Variants in NSFL1C observed in about 807,000 individuals in gnomAD.
The protein encoded by NSFL1C is NSFL1 cofactor.
A neutral mutation model predicts 43.1 loss-of-function variants in NSFL1C; 14 were observed. The observed-to-expected ratio is 0.32, with a 90% confidence interval of 0.21 to 0.51. The LOEUF is 0.51. NSFL1C is among the 20% of genes least tolerant of loss of function. NSFL1C has a pLI of 0.98. For synonymous variants in NSFL1C, 171 were observed against 183.5 expected (o/e 0.93, Z 0.55); for missense variants, 406 against 472.5 (o/e 0.86, Z 1.30).
intron 7 of NSFL1C, among the ~76,000 whole-genome samples, chr20:1,447,141 G>T (rs1158464568): frequency 3.3e-5 from 5 of 152,196 alleles, no homozygotes; most frequent in Non-Finnish European, 7.4e-5. Flanking sequence ...GCTCAGAGGA[G>T]AATGTCACCC....
chr20:1,454,629 A>T (rs1417758308), intron 4 of NSFL1C, among the ~76,000 whole-genome samples: 1 of 152,212 alleles, frequency 6.6e-6, no homozygotes, highest in Non-Finnish European at 1.5e-5. Flanking sequence ...AGACTTTTTG[A>T]TTTTCTCAAA....
chr20:1,451,821 A>G lies in NSFL1C; in HGVS notation c.785+672T>C, dbSNP rs576416570. On this transcript the variant is annotated intron_variant, in intron 7 of 8. Coordinates refer to ENST00000216879, the MANE Select transcript of NSFL1C (RefSeq NM_016143.5). ...GAAGATAGAGAATGTCTGTTAGTAG[A>G]GGGTACAGGAGTGAGAAGGCAGTAG... 1.4e-4 allele frequency among the ~76,000 whole-genome samples: 21 copies of G among 152,340 alleles called. 1 individual carries two copies. Among genetic ancestry groups the G allele is most frequent in the African/African-American group, 5.1e-4 (21 of 41,580 alleles).
chr20:1,466,527 G>C (rs1403890492), intron 1 of NSFL1C, among the ~76,000 whole-genome samples, 193 bp downstream of exon 1: 1 of 152,214 alleles, frequency 6.6e-6, no homozygotes, highest in East Asian at 1.9e-4. Context: ...AACTGGCTGG[G>C]GCTGGCCCGC....
chr20:1,447,853 G>A lies in NSFL1C; in HGVS notation c.786-2023C>T, dbSNP rs145924907. On this transcript the variant is annotated intron_variant, in intron 7 of 8. Coordinates refer to ENST00000216879, the MANE Select transcript of NSFL1C (RefSeq NM_016143.5). ...AAGGGGCTTTCACAGCCACGACCTC[G>A]CTGAATCACCACAACCATCCTCTGA... Among the ~76,000 whole-genome samples the A allele has an allele frequency of 1.3e-3, 201 of 152,160 alleles. 1 individual carries two copies. The highest frequency in any genetic ancestry group is 3.9e-3 in the African/African-American group (161 of 41,492).
rs770269497 is a variant in NSFL1C at position 1,454,924 on chromosome 20, G to C, written c.444+43C>G. On this transcript the variant is annotated intron_variant, in intron 4 of 8. Coordinates refer to ENST00000216879, the MANE Select transcript of NSFL1C (RefSeq NM_016143.5). ...GAAGAAGGTGGCATTCCCAGTTCTG[G>C]AATCTCAGTCCTGTGGGCACAGACA... is the stretch of plus-strand genomic sequence containing the variant. 6 of 1,585,966 alleles carry C rather than the reference G, an allele frequency of 3.8e-6. No individual in the cohort carries two copies. The Admixed American group carries it at 7.0e-5, about 18-fold the overall frequency.
chr20:1,443,923 G>T lies in NSFL1C; in HGVS notation c.951-12C>A. On this transcript the variant is annotated splice_polypyrimidine_tract_variant and intron_variant, in intron 8 of 8. Transcript: ENST00000216879. The stretch of plus-strand genomic sequence containing the variant: ...GGATGTCGCTGATCCTGCAGGAGTT[G>T]GGGAAGCGGTGAGCAGTGCCATCCT... The T allele has an allele frequency of 6.2e-7, 1 of 1,606,374 alleles. No individual in the cohort carries two copies. Among genetic ancestry groups the T allele is most frequent in the Admixed American group, 1.7e-5 (1 of 59,724 alleles).
intron 7 of NSFL1C, among the ~76,000 whole-genome samples, chr20:1,446,525 A>G (rs2090063191): frequency 6.6e-6 from 1 of 152,214 alleles, no homozygotes; most frequent in Non-Finnish European, 1.5e-5. Context: ...TCAGAATCAC[A>G]TGGACCAGGG....
chr20:1,443,264 C>T lies in NSFL1C; in HGVS notation c.*485G>A, dbSNP rs3171292. 0.55 allele frequency: 84,594 copies of T among 154,214 alleles called. 23,424 individuals are homozygous for T. Among genetic ancestry groups the T allele is most frequent in the East Asian group, 0.79 (4,116 of 5,230 alleles). 9.6% of individuals were successfully genotyped at this position (154,214 alleles called of 1,614,324 possible). ...CGCCCAGTTTTATCTGGGCAAGTGA[C>T]ATATTCTCGTGGGAACAAGTGGTGG... On this transcript the variant is annotated 3_prime_UTR_variant, in exon 9 of 9. Transcript: ENST00000216879.
chr20:1,446,780 G>A (rs769841562), intron 7 of NSFL1C, among the ~76,000 whole-genome samples: 1 of 150,334 alleles, frequency 6.7e-6, no homozygotes, highest in Non-Finnish European at 1.5e-5. Flanking sequence ...CAGATGACCT[G>A]ACTTAGACCT....
chr20:1,455,815 G>C (rs1346354236), intron 3 of NSFL1C: 1 of 770,252 alleles, frequency 1.3e-6, no homozygotes, highest in South Asian at 1.4e-5. Context: ...CACAGCACCA[G>C]GAGCTCCCCC....
chr20:1,461,507 A>G (rs2090411304), intron 2 of NSFL1C, among the ~76,000 whole-genome samples: 1 of 152,236 alleles, frequency 6.6e-6, no homozygotes, highest in South Asian at 2.1e-4. Context: ...GAAGAATTAG[A>G]GCACCAAAGA....
chr20:1,443,991 C>A, intron 8 of NSFL1C, 80 bp from the exon 9 acceptor site: 1 of 1,425,640 alleles, frequency 7.0e-7, no homozygotes, highest in East Asian at 2.5e-5. Context: ...AAACACCTCG[C>A]AAATCCCCTT....
At chr20:1,449,942 C>T (rs1244946745) in intron 7 of NSFL1C, among the ~76,000 whole-genome samples, 1 of 152,204 alleles carries the variant, frequency 6.6e-6, no homozygotes, top group Non-Finnish European at 1.5e-5. Flanking sequence ...CAGCTCCCAA[C>T]TCAAACAAAC....
At chr20:1,464,023 G>GT (rs1185484178) in intron 2 of NSFL1C, 1 of 335,332 alleles carries the variant, frequency 3.0e-6, no homozygotes, top group African/African-American at 2.1e-5. Flanking sequence ...TTGAAAGGAA[G>GT]TTTTTTGGCT....
rs751186593 is a variant in NSFL1C at position 1,454,973 on chromosome 20, T to G, written c.438A>C (p.Lys146Asn). The change falls in exon 4 of 9, where the codon AAA (lysine) becomes AAC (asparagine). Residue 146 changes from lysine to asparagine, a missense_variant. Physicochemically the swap from Lys to Asn is moderately conservative, Grantham distance 94 (BLOSUM62 0). Transcript: ENST00000216879. The part of the protein sequence containing the change: ...RVTKSPGETS[K>N]PRPFAGGGYR... ...CAATGACCCTTATACTCACTCTCGG[T>G]TTACTGGTCTCTCCAGGGCTCTTGG... 3.1e-6 allele frequency: 5 copies of G among 1,613,440 alleles called. No individual in the cohort carries two copies. In the South Asian group the frequency reaches 4.4e-5, roughly 14 times the overall value.
At position 1,443,038 on chromosome 20, in the gene NSFL1C, C is replaced by T. The variant is rs2089981896; in HGVS notation, c.*711G>A. 1 of 152,166 alleles carries T rather than the reference C, an allele frequency of 6.6e-6. No homozygotes were observed. Among genetic ancestry groups the T allele is most frequent in the African/African-American group, 2.4e-5 (1 of 41,408 alleles). The allele number at this position is 152,166 out of a possible 1,614,324, so 9.4% of individuals were successfully genotyped here. On this transcript the variant is annotated 3_prime_UTR_variant, in exon 9 of 9. Coordinates refer to ENST00000216879, the MANE Select transcript of NSFL1C (RefSeq NM_016143.5). ...AGCCATAATGGAGCCCCTGAGAATC[C>T]CCAGGAGGCGAGCAGTCTGGATGGT...
At chr20:1,448,938 A>G (rs1187651286) in intron 7 of NSFL1C, among the ~76,000 whole-genome samples, 1 of 152,238 alleles carries the variant, frequency 6.6e-6, no homozygotes, top group Non-Finnish European at 1.5e-5. Flanking sequence ...TTCCTCATCA[A>G]TAAAACAGAG....
At chr20:1,462,025 C>T (rs1346972971) in intron 2 of NSFL1C, among the ~76,000 whole-genome samples, 1 of 152,144 alleles carries the variant, frequency 6.6e-6, no homozygotes, top group Admixed American at 6.5e-5. Flanking sequence ...AAACTTTTGC[C>T]TGTAATTTCA....
chr20:1,451,625 A>G (rs761533226), intron 7 of NSFL1C, among the ~76,000 whole-genome samples: 2 of 152,222 alleles, frequency 1.3e-5, no homozygotes, highest in African/African-American at 4.8e-5. Flanking sequence ...TATCATGTGC[A>G]CAGTTCCCTC....
Sources: gnomAD v4.1 joint callset for allele counts (sites outside exome capture counted in the v4.1 genomes callset) on GRCh38, gnomAD v4.1.1 for gene constraint, MANE v1.5 for transcripts, NCBI Gene and HGNC (gene_info 2026-07-23, HGNC 2026-07-21) for gene names.